AVL9: variants seen among roughly 807,000 people sequenced by gnomAD.
The protein encoded by AVL9 is late secretory pathway protein AVL9 homolog.
AVL9 carries 49 observed loss-of-function variants against 79.2 expected under a neutral mutation model. The observed-to-expected ratio is 0.62, with a 90% CI of 0.49 to 0.79. The LOEUF (loss-of-function observed/expected upper bound fraction) is 0.79. Ranked by LOEUF, AVL9 falls within the 30% of genes least tolerant of loss-of-function variation. The pLI is 0.00. For missense variants in AVL9, 682 were observed against 776.8 expected (o/e 0.88, Z 1.45); for synonymous variants, 299 against 280.6 (o/e 1.07, Z -0.65).
chr7:32,515,888 G>GA (rs59567259), intron 1 of AVL9, among the ~76,000 whole-genome samples: 37,966 of 150,958 alleles, frequency 0.25, 5,209 homozygotes, highest in Admixed American at 0.35. Flanking sequence ...TGCTGCAAAA[G>GA]AAAAAAAAAT....
chr7:32,541,912 A>G (rs912211068), intron 1 of AVL9, among the ~76,000 whole-genome samples: 2 of 151,912 alleles, frequency 1.3e-5, no homozygotes, highest in African/African-American at 4.8e-5. Flanking sequence ...ACGGGATTTC[A>G]CCATGTCGGC....
At chr7:32,517,565 A>G (rs943390892) in intron 1 of AVL9, among the ~76,000 whole-genome samples, 4 of 152,028 alleles carry the variant, frequency 2.6e-5, no homozygotes, top group African/African-American at 9.7e-5. Context: ...CGGCCTCCCA[A>G]AGTGCTGGGA....
chr7:32,531,094 C>G (rs1230575873), intron 1 of AVL9, among the ~76,000 whole-genome samples: 1 of 152,156 alleles, frequency 6.6e-6, no homozygotes, highest in East Asian at 1.9e-4. Context: ...GGGGCAGGGA[C>G]AATTACAAAA....
At chr7:32,543,893 TTTTCTTTC>T (rs71559234) in intron 2 of AVL9, among the ~76,000 whole-genome samples, 34 of 143,406 alleles carry the variant, frequency 2.4e-4, no homozygotes, top group African/African-American at 6.1e-4. Flanking sequence ...TTGCTATTGA[TTTTCTTTC>T]TTTCTTTCTT....
At chr7:32,544,580 C>A in intron 2 of AVL9, 114 bp from the exon 3 acceptor site, 1 of 692,092 alleles carries the variant, frequency 1.4e-6, no homozygotes, top group South Asian at 2.2e-5. Context: ...ATTTGGATTC[C>A]TTGTTTTATC....
intron 1 of AVL9, among the ~76,000 whole-genome samples, chr7:32,503,946 G>A (rs890579322): frequency 1.3e-5 from 2 of 152,140 alleles, no homozygotes; most frequent in African/African-American, 4.8e-5. Context: ...GCCTCCCAAA[G>A]TGCTGGGATT....
Position 32,573,377 on chromosome 7 carries a change from C to A in AVL9, c.1529C>A (p.Ala510Glu). The A allele has an allele frequency of 6.2e-7, 1 of 1,613,652 alleles. No homozygotes were observed. The highest frequency in any genetic ancestry group is 1.1e-5 in the South Asian group (1 of 91,058). ...GGDEWIRAQF[A>E]VYIHALLAAT... The stretch of plus-strand genomic sequence containing the variant: ...GACGAATGGATCCGGGCCCAGTTTG[C>A]GGTCTACATTCATGCCCTGCTGGCT... The change falls in exon 12 of 16, where the codon GCG becomes GAG. Residue 510 changes from alanine (A) to glutamate (E), a missense_variant. By Grantham distance (107) the Ala-to-Glu change is moderately radical. Transcript: ENST00000318709.
chr7:32,575,829 G>A (rs528051265), intron 12 of AVL9, 126 bp from the exon 13 acceptor site: 9 of 651,092 alleles, frequency 1.4e-5, no homozygotes, highest in African/African-American at 5.5e-5. Flanking sequence ...CATCTGGTAG[G>A]CTATCTCCCC....
At chr7:32,505,264 G>A (rs572613399) in intron 1 of AVL9, among the ~76,000 whole-genome samples, 8 of 151,566 alleles carry the variant, frequency 5.3e-5, no homozygotes, top group Admixed American at 2.0e-4. Flanking sequence ...GGTGGCTTAC[G>A]CCTGTAATCC....
At chr7:32,575,855 C>G in intron 12 of AVL9, 100 bp from the exon 13 acceptor site, 1 of 757,736 alleles carries the variant, frequency 1.3e-6, no homozygotes, top group Non-Finnish European at 2.2e-6. Flanking sequence ...TATGGGAGGG[C>G]AAGGGGATAA....
intron 1 of AVL9, among the ~76,000 whole-genome samples, chr7:32,513,722 G>C (rs1787787805): frequency 6.6e-6 from 1 of 152,180 alleles, no homozygotes; most frequent in Non-Finnish European, 1.5e-5. Context: ...GTGGGCCCAG[G>C]GGACCAGCGC....
intron 3 of AVL9, among the ~76,000 whole-genome samples, chr7:32,545,753 A>G (rs1365648681): frequency 6.6e-6 from 1 of 152,164 alleles, no homozygotes; most frequent in Non-Finnish European, 1.5e-5. Context: ...CCCACCTTTC[A>G]TGGTTTGCTT....
At chr7:32,529,528 G>A (rs1788552885) in intron 1 of AVL9, among the ~76,000 whole-genome samples, 1 of 152,172 alleles carries the variant, frequency 6.6e-6, no homozygotes, top group Admixed American at 6.5e-5. Flanking sequence ...TTTAGAAAAA[G>A]CAAAGATTTA....
chr7:32,584,055 G>C lies in AVL9; in HGVS notation c.*148G>C, dbSNP rs1189913635. On this transcript the variant is annotated 3_prime_UTR_variant, in exon 16 of 16. Transcript: ENST00000318709. ...GATGTTGCTCTAAGTGAATGTTTCG[G>C]GATGCCGAAATGATGAAATCACAGC... 1.4e-6 allele frequency: 1 copy of C among 711,074 alleles called. No homozygotes were observed. The highest frequency in any genetic ancestry group is 2.1e-5 in the Admixed American group (1 of 48,720). The allele number at this position is 711,074 out of a possible 1,614,324, so 44.0% of individuals were successfully genotyped here. A position where few individuals can be genotyped will look rare whatever the true frequency, so the allele number is the denominator to read the frequency against.
chr7:32,558,377 C>T (rs147955430), intron 8 of AVL9, among the ~76,000 whole-genome samples, 182 bp from the exon 9 acceptor site: 9,595 of 152,016 alleles, frequency 0.063, 359 homozygotes, highest in Non-Finnish European at 0.084. Context: ...AGGATGGTCT[C>T]GATCTCCTGA....
At chr7:32,551,978 G>A (rs1789849505) in intron 5 of AVL9, among the ~76,000 whole-genome samples, 2 of 148,802 alleles carry the variant, frequency 1.3e-5, no homozygotes, top group East Asian at 4.0e-4. Context: ...GCTCTAAAAT[G>A]TAGAGGGAGA....
At chr7:32,496,211 TA>T (rs1274707519) in intron 1 of AVL9, among the ~76,000 whole-genome samples, 1 of 152,220 alleles carries the variant, frequency 6.6e-6, no homozygotes, top group East Asian at 1.9e-4. Context: ...GCTTTCAAGG[TA>T]ATAGGCTCAG....
intron 13 of AVL9, among the ~76,000 whole-genome samples, chr7:32,576,461 G>A (rs1209805749): frequency 6.6e-6 from 1 of 152,126 alleles, no homozygotes; most frequent in Admixed American, 6.5e-5. Context: ...AAATTAGGAG[G>A]CAATTTTAAA....
At chr7:32,552,092 G>A (rs1789856074) in intron 5 of AVL9, 137 bp from the exon 6 acceptor site, 1 of 597,568 alleles carries the variant, frequency 1.7e-6, no homozygotes, top group Non-Finnish European at 3.1e-6. Flanking sequence ...TTGCAGAGAG[G>A]CTTGATTGTT....
Sources: allele counts gnomAD v4.1 joint callset (sites outside exome capture counted in the v4.1 genomes callset), GRCh38; gene constraint gnomAD v4.1.1; transcripts MANE v1.5; gene names NCBI Gene and HGNC (gene_info 2026-07-23, HGNC 2026-07-21).